The following GMDS variants were observed in gnomAD, a reference collection of about 807,000 sequenced individuals.
GMDS encodes the protein GDP-mannose 4,6 dehydratase.
A neutral mutation model predicts 49.9 loss-of-function variants in GMDS; 20 were observed. The observed-to-expected ratio is 0.40, with a 90% confidence interval of 0.28 to 0.58. The LOEUF (loss-of-function observed/expected upper bound fraction) is 0.58. GMDS is among the 20% of genes least tolerant of loss of function. The probability of loss-of-function intolerance (pLI) is 0.42; values close to 1 mark genes in which losing one functional copy is unlikely to be tolerated. For synonymous variants in GMDS, 177 were observed against 178.6 expected, an observed-to-expected ratio of 0.99 and a Z score of 0.07; for missense variants, 362 against 481.4, an observed-to-expected ratio of 0.75 and a Z score of 2.32.
intron 6 of GMDS, among the ~76,000 whole-genome samples, chr6:1,933,048 A>G (rs1423543161): frequency 2.0e-5 from 3 of 152,132 alleles, no homozygotes; most frequent in Non-Finnish European, 2.9e-5. Flanking sequence ...TTCTCCTAGT[A>G]CCCTAGCCCT....
At chr6:1,737,812 C>T (rs555662478) in intron 8 of GMDS, among the ~76,000 whole-genome samples, 226 of 126,534 alleles carry the variant, frequency 1.8e-3, no homozygotes, top group African/African-American at 6.8e-3. Flanking sequence ...CACACATACA[C>T]ACACACCACA....
rs530524964 is a variant in GMDS at position 1,850,383 on chromosome 6, A to G, written c.771+79720T>C. Among the ~76,000 whole-genome samples, 7 of 152,358 alleles carry G rather than the reference A, an allele frequency of 4.6e-5. No homozygotes were observed. The East Asian group carries it at 1.3e-3, about 29-fold the overall frequency. On this transcript the variant is annotated intron_variant, in intron 7 of 10. Coordinates refer to ENST00000380815, the MANE Select transcript of GMDS (RefSeq NM_001500.4). ...GCACAGTAAAACTTTTATCTAGGCC[A>G]CTAAATACTGCTTCTTATCTGTCAG... is the stretch of plus-strand genomic sequence containing the variant.
At chr6:2,188,119 G>A (rs1423077044) in intron 1 of GMDS, among the ~76,000 whole-genome samples, 1 of 152,168 alleles carries the variant, frequency 6.6e-6, no homozygotes. Flanking sequence ...ATCACTGGGG[G>A]CAACATGCCC....
Position 2,115,666 on chromosome 6 carries a change from G to A in GMDS, c.345+105C>T, listed in dbSNP as rs892217308. On this transcript the variant is annotated intron_variant, in intron 4 of 10. Transcript: ENST00000380815. ...ACTAACACTGACAATTCAACTTGAAGACTAAGACCAGTGATTATATTACTA... is the reference window on the plus strand; with the variant it reads ...ACTAACACTGACAATTCAACTTGAAAACTAAGACCAGTGATTATATTACTA... 3 of 697,330 alleles carry A rather than the reference G, an allele frequency of 4.3e-6. No homozygotes were observed. The African/African-American group carries it at 5.3e-5, about 12-fold the overall frequency. The allele number at this position is 697,330 out of a possible 1,614,324, so 43.2% of individuals were successfully genotyped here.
chr6:2,042,537 T>G (rs1385390294), intron 4 of GMDS, among the ~76,000 whole-genome samples: 1 of 152,136 alleles, frequency 6.6e-6, no homozygotes, highest in African/African-American at 2.4e-5. Context: ...GGAAAATTGT[T>G]CCAAAACACA....
chr6:2,173,537 A>G (rs567694216), intron 1 of GMDS, among the ~76,000 whole-genome samples: 49 of 152,348 alleles, frequency 3.2e-4, no homozygotes, highest in African/African-American at 1.2e-3. Flanking sequence ...AGACAGTTTA[A>G]TATGTATCCA....
intron 4 of GMDS, among the ~76,000 whole-genome samples, chr6:2,011,849 A>G (rs4529335): frequency 0.47 from 71,115 of 152,132 alleles, 16,954 homozygotes; most frequent in African/African-American, 0.55. Flanking sequence ...CTGAGCCTAG[A>G]ACTTGAGGCT....
At position 2,119,219 on chromosome 6, in the gene GMDS, C is replaced by A. The variant is rs75036626; in HGVS notation, c.148-1663G>T. ...CAACAGCCCAAAATATAGAGACATG[C>A]CATTTATTAATATATATTCATTACA... is the stretch of plus-strand genomic sequence containing the variant. On this transcript the variant is annotated intron_variant, in intron 2 of 10. Transcript: ENST00000380815. Among the ~76,000 whole-genome samples, 1,011 of 152,164 alleles carry A rather than the reference C, an allele frequency of 6.6e-3. 10 individuals carry two copies. Among genetic ancestry groups the A allele is most frequent in the African/African-American group, 0.023 (963 of 41,534 alleles).
chr6:1,786,943 C>T (rs371895805), intron 7 of GMDS, among the ~76,000 whole-genome samples: 1 of 152,116 alleles, frequency 6.6e-6, no homozygotes, highest in African/African-American at 2.4e-5. Flanking sequence ...CCACCTCACA[C>T]GTACCTACAG....
At chr6:2,170,215 A>AAG (rs1165540755) in intron 1 of GMDS, among the ~76,000 whole-genome samples, 1 of 151,958 alleles carries the variant, frequency 6.6e-6, no homozygotes, top group Admixed American at 6.5e-5. Context: ...AAAAAAAAAA[A>AAG]AGAGAGAAAG....
intron 2 of GMDS, among the ~76,000 whole-genome samples, chr6:2,119,136 A>G (rs1402405440): frequency 6.6e-6 from 1 of 152,182 alleles, no homozygotes; most frequent in Admixed American, 6.5e-5. Context: ...AAGAATAACA[A>G]TAGTGTTATT....
At chr6:1,710,734 G>C (rs1325035223) in intron 9 of GMDS, among the ~76,000 whole-genome samples, 1 of 152,146 alleles carries the variant, frequency 6.6e-6, no homozygotes, top group African/African-American at 2.4e-5. Context: ...TGGTGATACT[G>C]CCAAGCTCAA....
intron 9 of GMDS, among the ~76,000 whole-genome samples, chr6:1,641,791 G>C (rs908835432): frequency 1.1e-4 from 17 of 151,736 alleles, no homozygotes; most frequent in African/African-American, 3.9e-4. Context: ...TTGAAAGTCA[G>C]GTTTTTAAAT....
chr6:2,159,225 G>A (rs887164862), intron 1 of GMDS, among the ~76,000 whole-genome samples: 2 of 152,052 alleles, frequency 1.3e-5, no homozygotes, highest in Non-Finnish European at 2.9e-5. Flanking sequence ...TGAGGGGGAG[G>A]AGACAGAGGG....
chr6:2,155,709 A>C (rs1777082191), intron 1 of GMDS, among the ~76,000 whole-genome samples: 1 of 152,192 alleles, frequency 6.6e-6, no homozygotes, highest in South Asian at 2.1e-4. Flanking sequence ...AAGAAAAATG[A>C]TGTGTAAGAA....
At chr6:1,641,724 C>G (rs944009182) in intron 9 of GMDS, among the ~76,000 whole-genome samples, 1 of 151,592 alleles carries the variant, frequency 6.6e-6, no homozygotes, top group Non-Finnish European at 1.5e-5. Flanking sequence ...CTCTCTCTCT[C>G]TCTCTCTCTT....
chr6:1,793,268 T>G (rs1007688325), intron 7 of GMDS, among the ~76,000 whole-genome samples: 1 of 152,230 alleles, frequency 6.6e-6, no homozygotes, highest in African/African-American at 2.4e-5. Flanking sequence ...TGTGAGGTAC[T>G]TCTCTACTCC....
At chr6:1,767,316 T>C (rs1165970485) in intron 7 of GMDS, among the ~76,000 whole-genome samples, 1 of 152,200 alleles carries the variant, frequency 6.6e-6, no homozygotes, top group Non-Finnish European at 1.5e-5. Flanking sequence ...CTCTTAAGTT[T>C]CAGTCATCAA....
At chr6:1,743,456 T>G in intron 7 of GMDS, among the ~76,000 whole-genome samples, 1 of 140,640 alleles carries the variant, frequency 7.1e-6, no homozygotes, top group Non-Finnish European at 1.5e-5. Flanking sequence ...GGCAGGAGAA[T>G]GGCGTGAACC....
Sources: allele counts gnomAD v4.1 joint callset (sites outside exome capture counted in the v4.1 genomes callset), GRCh38; gene constraint gnomAD v4.1.1; transcripts MANE v1.5; gene names NCBI Gene and HGNC (gene_info 2026-07-23, HGNC 2026-07-21).